Variants in ZFHX3 observed in about 807,000 individuals in gnomAD.
ZFHX3 encodes the protein zinc finger homeobox protein 3.
A neutral mutation model predicts 279.1 loss-of-function variants in ZFHX3; 42 were observed. That is an observed-to-expected ratio of 0.15 (90% CI 0.12 to 0.19). The LOEUF (loss-of-function observed/expected upper bound fraction) is 0.19. Among genes scored for constraint, ZFHX3 ranks in the 10% least tolerant of loss-of-function variants. The pLI is 1.00. For missense variants in ZFHX3, 4,981 were observed against 4,754.0 expected (o/e 1.05, Z -1.40); for synonymous variants, 2,293 against 1,957.8 (o/e 1.17, Z -4.52).
chr16:72,787,189 A>T lies in ZFHX3; in HGVS notation c.11087T>A (p.Val3696Glu), dbSNP rs367664721. The T allele has an allele frequency of 1.6e-5, 26 of 1,610,708 alleles. No homozygotes were observed. The African/African-American group carries it at 3.1e-4, about 19-fold the overall frequency. ...SCPKDSGLTS[V>E]GTDTFRL is the part of the protein sequence containing the mutation. Reference sequence around the variant, plus strand: ...TTACAATCTGAAGGTGTCCGTTCCTACACTGGTCAGACCACTGTCCTTGGG... The same window carrying T: ...TTACAATCTGAAGGTGTCCGTTCCTTCACTGGTCAGACCACTGTCCTTGGG... The change falls in exon 10 of 10, where the codon GTA becomes GAA. Residue 3696 changes from valine (V) to glutamate (E), a missense_variant. This residue lies in a region of ZFHX3 where 1,034 missense variants were observed against 786.0 expected (regional missense o/e 1.32). Coordinates refer to ENST00000268489, the MANE Select transcript of ZFHX3 (RefSeq NM_006885.4).
intron 7 of ZFHX3, among the ~76,000 whole-genome samples, chr16:73,096,014 G>C (rs1328951511): frequency 6.6e-6 from 1 of 152,144 alleles, no homozygotes; most frequent in East Asian, 1.9e-4. Context: ...CAAGCTTCTG[G>C]TTGGAAAGAC....
At chr16:73,336,373 C>T (rs186618669) in intron 3 of ZFHX3, among the ~76,000 whole-genome samples, 424 of 149,296 alleles carry the variant, frequency 2.8e-3, no homozygotes, top group Non-Finnish European at 4.0e-3. Context: ...GTTTTTTGGT[C>T]CTTACCCTCC....
chr16:73,081,465 G>C (rs1408181208), intron 8 of ZFHX3: 1 of 151,890 alleles, frequency 6.6e-6, no homozygotes, highest in Non-Finnish European at 1.5e-5. Flanking sequence ...CTCCATGTTG[G>C]TCAGGCTGGT....
intron 7 of ZFHX3, chr16:73,130,845 T>A: frequency 1.4e-6 from 1 of 739,438 alleles, no homozygotes; most frequent in Non-Finnish European, 1.9e-6. Context: ...TGACCTCAGG[T>A]GATCCACCTG....
At chr16:73,290,406 T>C (rs1184143951) in intron 4 of ZFHX3, among the ~76,000 whole-genome samples, 2 of 152,074 alleles carry the variant, frequency 1.3e-5, no homozygotes, top group African/African-American at 4.8e-5. Flanking sequence ...TGAAAAGGTG[T>C]TCTAGGAAGA....
At chr16:73,657,559 A>T (rs370240390) in intron 2 of ZFHX3, among the ~76,000 whole-genome samples, 14 of 152,286 alleles carry the variant, frequency 9.2e-5, no homozygotes, top group African/African-American at 3.1e-4. Flanking sequence ...TATCATCTCC[A>T]TAAGAAACCT....
In ZFHX3 at chr16:72,796,983, T is replaced by G. The variant is rs200008447; in HGVS notation, c.5699A>C (p.Glu1900Ala). Reference protein sequence around the residue: ...QRERDSAEGGEGNTGPKETLP... With the variant: ...QRERDSAEGGAGNTGPKETLP... ...TGTTTCCTTCGGACCGGTGTTGCCC[T>G]CTCCCCCCTCGGCGCTGTCCCTCTC... Residue 1900 changes from glutamate to alanine, a missense_variant, in exon 9 of 10, where the codon GAG (glutamate) becomes GCG (alanine). By Grantham distance (107) the Glu-to-Ala change is moderately radical. Coordinates refer to ENST00000268489, the MANE Select transcript of ZFHX3 (RefSeq NM_006885.4). The G allele has an allele frequency of 1.5e-4, 235 of 1,613,974 alleles. 1 individual carries two copies. The East Asian group carries it at 5.2e-3, about 36-fold the overall frequency.
At chr16:73,678,863 G>A (rs1029176256) in intron 2 of ZFHX3, among the ~76,000 whole-genome samples, 1 of 152,092 alleles carries the variant, frequency 6.6e-6, no homozygotes, top group East Asian at 1.9e-4. Context: ...CGATGTTCTC[G>A]TTGTTGGAAA....
intron 4 of ZFHX3, among the ~76,000 whole-genome samples, chr16:73,307,611 G>C (rs2015212420): frequency 2.0e-5 from 3 of 152,160 alleles, no homozygotes; most frequent in Admixed American, 2.0e-4. Context: ...AAGAGAAATA[G>C]GCTCATTCTC....
intron 2 of ZFHX3, among the ~76,000 whole-genome samples, chr16:73,512,793 G>C (rs564153692): frequency 6.6e-6 from 1 of 152,286 alleles, no homozygotes; most frequent in African/African-American, 2.4e-5. Context: ...CAGGAGGTGG[G>C]AATGTTAGAA....
chr16:72,887,684 T>TG (rs1235202882), intron 4 of ZFHX3, among the ~76,000 whole-genome samples: 1 of 72,894 alleles, frequency 1.4e-5, no homozygotes, highest in South Asian at 4.3e-4. Flanking sequence ...TGCTTGCATG[T>TG]GGGGGGTGCA....
At chr16:73,164,353 T>C (rs373150726) in intron 5 of ZFHX3, among the ~76,000 whole-genome samples, 1 of 152,114 alleles carries the variant, frequency 6.6e-6, no homozygotes, top group Non-Finnish European at 1.5e-5. Flanking sequence ...CCTGAGCATC[T>C]CAGATCTTTC....
chr16:73,801,388 G>C (rs1286053087), intron 1 of ZFHX3, among the ~76,000 whole-genome samples: 1 of 152,266 alleles, frequency 6.6e-6, no homozygotes, highest in South Asian at 2.1e-4. Flanking sequence ...TAGGAGGTGG[G>C]TTAAAGGGTT....
intron 8 of ZFHX3, among the ~76,000 whole-genome samples, chr16:73,070,869 T>C (rs962455503): frequency 2.0e-5 from 3 of 150,004 alleles, no homozygotes; most frequent in Non-Finnish European, 4.4e-5. Flanking sequence ...ATGTCACACT[T>C]TCCTTTGTTT....
intron 5 of ZFHX3, among the ~76,000 whole-genome samples, chr16:72,814,424 C>T (rs193124330): frequency 2.0e-3 from 301 of 152,268 alleles, no homozygotes; most frequent in Non-Finnish European, 3.2e-3. Context: ...CCCGACTCAT[C>T]TCACTCTCCC....
chr16:73,375,795 T>G (rs2016713050), intron 3 of ZFHX3, among the ~76,000 whole-genome samples: 1 of 152,186 alleles, frequency 6.6e-6, no homozygotes. Context: ...ATCAGCGATA[T>G]CATTACTGAA....
intron 4 of ZFHX3, among the ~76,000 whole-genome samples, chr16:73,290,699 C>T (rs1176271001): frequency 6.6e-6 from 1 of 152,210 alleles, no homozygotes; most frequent in Non-Finnish European, 1.5e-5. Flanking sequence ...AGCCTGCTCT[C>T]TTCCCTGGTG....
At chr16:73,032,147 A>G (rs1416667671) in intron 1 of ZFHX3, among the ~76,000 whole-genome samples, 2 of 152,264 alleles carry the variant, frequency 1.3e-5, no homozygotes, top group Non-Finnish European at 2.9e-5. Context: ...AAATTAAAAA[A>G]TTAGCCAGAC....
chr16:72,927,689 G>C (rs891707409), intron 3 of ZFHX3, among the ~76,000 whole-genome samples: 5 of 151,874 alleles, frequency 3.3e-5, no homozygotes, highest in Non-Finnish European at 5.9e-5. Flanking sequence ...GGAGCCGCCC[G>C]GGGGAGCTGC....
Sources: allele counts gnomAD v4.1 joint callset (sites outside exome capture counted in the v4.1 genomes callset), GRCh38; gene constraint gnomAD v4.1.1; regional missense constraint gnomAD v4.1.1; transcripts MANE v1.5; gene names NCBI Gene and HGNC (gene_info 2026-07-23, HGNC 2026-07-21).